The following CLVS1 variants were observed in gnomAD, a reference collection of about 807,000 sequenced individuals.
CLVS1 encodes clavesin-1.
In CLVS1, 10 loss-of-function variants were observed where a neutral mutation model predicts 33.1. The ratio of observed to expected loss-of-function variants is 0.30; its 90% CI spans 0.19 to 0.51. The LOEUF (loss-of-function observed/expected upper bound fraction) is 0.51, where lower values mean the gene tolerates loss of function less well. Among genes scored for constraint, CLVS1 ranks in the 20% least tolerant of loss-of-function variants. The pLI, the probability that CLVS1 is intolerant of heterozygous loss-of-function variation, is 0.97. For missense variants in CLVS1, 343 were observed against 433.4 expected, an observed-to-expected ratio of 0.79 and a Z score of 1.85; for synonymous variants, 163 against 166.1, an observed-to-expected ratio of 0.98 and a Z score of 0.14.
intron 2 of CLVS1, among the ~76,000 whole-genome samples, chr8:61,303,784 G>T (rs1810518096): frequency 6.6e-6 from 1 of 152,196 alleles, no homozygotes; most frequent in South Asian, 2.1e-4. Context: ...CTAACAGTAT[G>T]GTTGGGAGGA....
At chr8:61,110,888 A>G (rs915260013) in intron 1 of CLVS1, among the ~76,000 whole-genome samples, 1 of 152,196 alleles carries the variant, frequency 6.6e-6, no homozygotes, top group African/African-American at 2.4e-5. Flanking sequence ...TTTAAGATGG[A>G]ATAATATTAC....
chr8:61,033,552 A>AG, the CLVS1 span, among the ~76,000 whole-genome samples: 1 of 152,200 alleles, frequency 6.6e-6, no homozygotes, highest in Non-Finnish European at 1.5e-5. Flanking sequence ...TCCCTCAGTC[A>AG]GGGGGGAGTG....
At chr8:61,461,861 C>T (rs1016570680) in intron 5 of CLVS1, among the ~76,000 whole-genome samples, 2 of 151,862 alleles carry the variant, frequency 1.3e-5, no homozygotes, top group Middle Eastern at 3.2e-3. Flanking sequence ...CTTCTCCATA[C>T]CCTGGAAAAA....
At chr8:61,130,278 T>A (rs889425738) in intron 1 of CLVS1, among the ~76,000 whole-genome samples, 9 of 113,534 alleles carry the variant, frequency 7.9e-5, no homozygotes, top group African/African-American at 2.1e-4. Flanking sequence ...TAAATAAATA[T>A]AAAAATAATT....
chr8:61,174,451 A>G (rs1664316655), intron 2 of CLVS1, among the ~76,000 whole-genome samples: 1 of 151,950 alleles, frequency 6.6e-6, no homozygotes, highest in Admixed American at 6.6e-5. Flanking sequence ...AAACAAACAA[A>G]CAAACAAACA....
At chr8:61,486,150 T>C (rs1563576086) in intron 5 of CLVS1, among the ~76,000 whole-genome samples, 1 of 148,176 alleles carries the variant, frequency 6.7e-6, no homozygotes, top group Non-Finnish European at 1.5e-5. Context: ...GAGTGATGCC[T>C]CCAGTGGGGT....
intron 3 of CLVS1, among the ~76,000 whole-genome samples, chr8:61,411,006 C>T (rs1214007806): frequency 2.0e-5 from 3 of 152,174 alleles, no homozygotes; most frequent in Non-Finnish European, 4.4e-5. Context: ...TACGCTTGTG[C>T]TCTCCTCCTA....
intron 4 of CLVS1, among the ~76,000 whole-genome samples, chr8:61,455,494 T>G (rs1435971828): frequency 2.0e-5 from 3 of 152,188 alleles, no homozygotes; most frequent in Non-Finnish European, 4.4e-5. Flanking sequence ...TTTGTTAATA[T>G]AATTGTTCTT....
chr8:61,022,201 C>G, the CLVS1 span, among the ~76,000 whole-genome samples: 1 of 152,166 alleles, frequency 6.6e-6, no homozygotes, highest in Non-Finnish European at 1.5e-5. Context: ...ATCTGAATAA[C>G]CCAAGACTTC....
In CLVS1 at chr8:61,206,713, C is replaced by T. The variant is rs1030001750; in HGVS notation, c.-152+74853C>T. 5.9e-5 allele frequency among the ~76,000 whole-genome samples: 9 copies of T among 151,920 alleles called. No individual in the cohort carries two copies. The South Asian group carries it at 1.0e-3, about 18-fold the overall frequency. Reference sequence around the variant, plus strand: ...ACGCCATTCTCCTGCCTCAGCCTCCCGAGTAGCTGGGACTACAGGCGCCTG... The same window carrying T: ...ACGCCATTCTCCTGCCTCAGCCTCCTGAGTAGCTGGGACTACAGGCGCCTG... On this transcript the variant is annotated intron_variant, in intron 2 of 2. Coordinates refer to the CLVS1 transcript ENST00000522621.
intron 1 of CLVS1, among the ~76,000 whole-genome samples, chr8:61,058,278 A>G (rs1365555245): frequency 6.6e-6 from 1 of 152,192 alleles, no homozygotes; most frequent in Non-Finnish European, 1.5e-5. Flanking sequence ...GGATGTGTTT[A>G]CTGCATGGAT....
chr8:61,105,893 C>G (rs1212265121), intron 1 of CLVS1, among the ~76,000 whole-genome samples: 1 of 152,106 alleles, frequency 6.6e-6, no homozygotes, highest in African/African-American at 2.4e-5. Flanking sequence ...TTGAACACAA[C>G]CGCTCCAGTT....
intron 1 of CLVS1, among the ~76,000 whole-genome samples, chr8:61,069,015 GGAGTGCAGTGGCAC>G (rs1404543167): frequency 6.6e-6 from 1 of 152,096 alleles, no homozygotes; most frequent in East Asian, 1.9e-4. Context: ...TGTCCAGGCT[GGAGTGCAGTGGCAC>G]GATCTCGGCT....
intron 1 of CLVS1, among the ~76,000 whole-genome samples, chr8:61,116,362 C>G (rs1376221148): frequency 1.3e-5 from 2 of 152,134 alleles, no homozygotes; most frequent in African/African-American, 4.8e-5. Flanking sequence ...TGTGCAGAAG[C>G]TCTTTAGTTT....
In CLVS1 at chr8:61,213,393, C is replaced by G. The variant is rs1000716674; in HGVS notation, c.-152+81533C>G. ...ACAGGCATGAGCCACTGTGCCCAGCCTAGTGTCCTCTTAAGAAGAAGAATT... is the reference window on the plus strand; with the variant it reads ...ACAGGCATGAGCCACTGTGCCCAGCGTAGTGTCCTCTTAAGAAGAAGAATT... On this transcript the variant is annotated intron_variant, in intron 2 of 2. Coordinates refer to the CLVS1 transcript ENST00000522621. Among the ~76,000 whole-genome samples, 12 of 39,620 alleles carry G rather than the reference C, an allele frequency of 3.0e-4. No individual in the cohort carries two copies. The African/African-American group carries it at 3.6e-3, about 12-fold the overall frequency. 26.0% of individuals were successfully genotyped at this position (39,620 alleles called of 152,430 possible).
At chr8:61,462,694 TC>T (rs1410540883) in intron 5 of CLVS1, among the ~76,000 whole-genome samples, 3 of 152,212 alleles carry the variant, frequency 2.0e-5, no homozygotes, top group Non-Finnish European at 4.4e-5. Flanking sequence ...GCAGTAAGTC[TC>T]GTCAGTAGAC....
chr8:61,237,185 C>T (rs1275108787), intron 2 of CLVS1, among the ~76,000 whole-genome samples: 1 of 152,172 alleles, frequency 6.6e-6, no homozygotes, highest in African/African-American at 2.4e-5. Flanking sequence ...AGGATGACTC[C>T]TATTTTCAGC....
At chr8:61,039,466 G>T in the CLVS1 span, among the ~76,000 whole-genome samples, 1 of 152,184 alleles carries the variant, frequency 6.6e-6, no homozygotes, top group Non-Finnish European at 1.5e-5. Flanking sequence ...CTTTCTGAAG[G>T]CTCAGTACAT....
intron 2 of CLVS1, among the ~76,000 whole-genome samples, chr8:61,305,960 T>C (rs1221097444): frequency 1.3e-5 from 2 of 152,192 alleles, no homozygotes; most frequent in Non-Finnish European, 2.9e-5. Context: ...TCTAGGTTGA[T>C]TCCATGTCTT....
Sources: gnomAD v4.1 joint callset for allele counts (sites outside exome capture counted in the v4.1 genomes callset) on GRCh38, gnomAD v4.1.1 for gene constraint, MANE v1.5 for transcripts, NCBI Gene and HGNC (gene_info 2026-07-23, HGNC 2026-07-21) for gene names.